DAB1: variants seen among roughly 807,000 people sequenced by gnomAD.
The protein encoded by DAB1 is DAB adaptor protein 1.
Under a neutral mutation model 64.6 loss-of-function variants are expected in DAB1, and 15 were observed. The ratio of observed to expected loss-of-function variants is 0.23; its 90% confidence interval spans 0.16 to 0.36. The LOEUF is 0.36. Among genes scored for constraint, DAB1 ranks in the 10% least tolerant of loss-of-function variants. DAB1 has a pLI of 1.00. For synonymous variants in DAB1, 235 were observed against 251.9 expected (o/e 0.93, Z 0.64); for missense variants, 596 against 706.7 (o/e 0.84, Z 1.78).
chr1:58,247,296 A>T (rs1232046411), intron 4 of DAB1, among the ~76,000 whole-genome samples: 1 of 147,844 alleles, frequency 6.8e-6, no homozygotes, highest in African/African-American at 2.5e-5. Flanking sequence ...TAAATAATAC[A>T]TGACTGTAGA....
intron 5 of DAB1, among the ~76,000 whole-genome samples, chr1:57,899,937 CT>C (rs112202232): frequency 5.7e-4 from 83 of 145,928 alleles, no homozygotes; most frequent in Middle Eastern, 3.6e-3. Flanking sequence ...TTATCTTTTT[CT>C]TTTTTTTTTT....
chr1:58,368,860 C>T (rs1366803127), intron 3 of DAB1, among the ~76,000 whole-genome samples: 1 of 152,170 alleles, frequency 6.6e-6, no homozygotes, highest in African/African-American at 2.4e-5. Flanking sequence ...AACCCCATCT[C>T]CACAAAAGAC....
At chr1:58,089,075 G>T (rs1196920739) in intron 5 of DAB1, among the ~76,000 whole-genome samples, 1 of 152,238 alleles carries the variant, frequency 6.6e-6, no homozygotes, top group Non-Finnish European at 1.5e-5. Flanking sequence ...TAGCACCAAT[G>T]TCGTTTTTGA....
At chr1:57,647,570 GA>G (rs1646208393) in intron 7 of DAB1, among the ~76,000 whole-genome samples, 1 of 152,176 alleles carries the variant, frequency 6.6e-6, no homozygotes, top group African/African-American at 2.4e-5. Context: ...AAGCCAGGAG[GA>G]TACTGCCAAG....
At chr1:57,314,603 G>C (rs190376443) in intron 1 of DAB1, among the ~76,000 whole-genome samples, 1 of 152,100 alleles carries the variant, frequency 6.6e-6, no homozygotes, top group East Asian at 1.9e-4. Flanking sequence ...GCTCTATCTC[G>C]TAAGGATGCT....
At chr1:58,542,031 G>T (rs1442118757) in intron 1 of DAB1, among the ~76,000 whole-genome samples, 1 of 152,116 alleles carries the variant, frequency 6.6e-6, no homozygotes, top group East Asian at 1.9e-4. Flanking sequence ...AGTTTTAATA[G>T]TATTATCTAT....
intron 2 of DAB1, among the ~76,000 whole-genome samples, chr1:57,146,206 C>A (rs1358808949): frequency 6.6e-6 from 1 of 152,206 alleles, no homozygotes; most frequent in African/African-American, 2.4e-5. Context: ...TCACAACAAG[C>A]AAACCATTTC....
At chr1:58,195,835 G>C (rs936069089) in intron 4 of DAB1, among the ~76,000 whole-genome samples, 4 of 152,162 alleles carry the variant, frequency 2.6e-5, no homozygotes, top group African/African-American at 9.7e-5. Context: ...TTTTACAATA[G>C]CCCTAACAGG....
intron 3 of DAB1, among the ~76,000 whole-genome samples, chr1:58,467,170 G>T (rs1191866814): frequency 6.6e-6 from 1 of 152,098 alleles, no homozygotes; most frequent in South Asian, 2.1e-4. Flanking sequence ...TGATAATGCC[G>T]AACTCCCCAA....
intron 7 of DAB1, among the ~76,000 whole-genome samples, chr1:57,648,226 G>A (rs569334902): frequency 6.6e-6 from 1 of 152,282 alleles, no homozygotes; most frequent in African/African-American, 2.4e-5. Flanking sequence ...TCCCCTAGGT[G>A]TAGCAGTTAC....
At chr1:57,952,795 C>G (rs1320372337) in intron 5 of DAB1, among the ~76,000 whole-genome samples, 1 of 152,158 alleles carries the variant, frequency 6.6e-6, no homozygotes, top group Non-Finnish European at 1.5e-5. Flanking sequence ...GCTCTAAGAA[C>G]AAGGTCCAAC....
chr1:57,489,758 T>C (rs1644139137), intron 7 of DAB1, among the ~76,000 whole-genome samples: 1 of 152,232 alleles, frequency 6.6e-6, no homozygotes, highest in Non-Finnish European at 1.5e-5. Context: ...ACAAGCCTTC[T>C]GTCTTTCTCA....
At chr1:57,201,897 T>G (rs1352132346) in intron 2 of DAB1, among the ~76,000 whole-genome samples, 3 of 152,170 alleles carry the variant, frequency 2.0e-5, no homozygotes, top group Admixed American at 1.3e-4. Flanking sequence ...CATGCATGCA[T>G]GTATGCATGA....
At chr1:58,379,534 A>C (rs1438961691) in intron 3 of DAB1, among the ~76,000 whole-genome samples, 1 of 152,260 alleles carries the variant, frequency 6.6e-6, no homozygotes, top group Non-Finnish European at 1.5e-5. Context: ...CAAAGTTAAC[A>C]TTATTTCTAA....
intron 1 of DAB1, among the ~76,000 whole-genome samples, chr1:57,832,302 C>A (rs1420080727): frequency 6.6e-6 from 1 of 152,140 alleles, no homozygotes; most frequent in Non-Finnish European, 1.5e-5. Flanking sequence ...CTCTTCCAAG[C>A]TTTAAAACCT....
intron 7 of DAB1, among the ~76,000 whole-genome samples, chr1:57,554,449 T>C (rs1176585700): frequency 1.3e-5 from 2 of 152,242 alleles, no homozygotes; most frequent in African/African-American, 2.4e-5. Context: ...TCCTGGCATA[T>C]AGTAAATGCT....
At chr1:58,325,024 T>C (rs1662789591) in intron 4 of DAB1, among the ~76,000 whole-genome samples, 2 of 152,176 alleles carry the variant, frequency 1.3e-5, no homozygotes, top group Admixed American at 6.5e-5. Context: ...CTCAACATAA[T>C]ACACCAGGCA....
intron 7 of DAB1, among the ~76,000 whole-genome samples, chr1:57,446,830 G>T (rs964100544): frequency 1.3e-5 from 2 of 151,994 alleles, no homozygotes; most frequent in African/African-American, 4.8e-5. Context: ...TTTCTCTTGG[G>T]GATGAAAAAA....
At chr1:58,378,992 A>C in intron 3 of DAB1, among the ~76,000 whole-genome samples, 2 of 145,348 alleles carry the variant, frequency 1.4e-5, no homozygotes, top group African/African-American at 5.3e-5. Flanking sequence ...GAACTCCCTG[A>C]CCCCTTGCGC....
Sources: gnomAD v4.1 joint callset for allele counts (sites outside exome capture counted in the v4.1 genomes callset) on GRCh38, gnomAD v4.1.1 for gene constraint, MANE v1.5 for transcripts, NCBI Gene and HGNC (gene_info 2026-07-23, HGNC 2026-07-21) for gene names.